Variants in CHP1 observed in about 807,000 individuals in gnomAD.
The protein encoded by CHP1 is calcineurin B homologous protein 1.
CHP1 carries 11 observed loss-of-function variants against 27.4 expected under a neutral mutation model. The ratio of observed to expected loss-of-function variants is 0.40; its 90% confidence interval spans 0.25 to 0.67. The LOEUF (loss-of-function observed/expected upper bound fraction) is 0.67. CHP1 is among the 30% of genes least tolerant of loss of function. The pLI is 0.38. For synonymous variants in CHP1, 89 were observed against 87.4 expected, an observed-to-expected ratio of 1.02 and a Z score of -0.10; for missense variants, 169 against 251.3, an observed-to-expected ratio of 0.67 and a Z score of 2.22.
chr15:41,262,473 G>C (rs1196631130), intron 3 of CHP1, among the ~76,000 whole-genome samples: 2 of 152,112 alleles, frequency 1.3e-5, no homozygotes, highest in Non-Finnish European at 2.9e-5. Flanking sequence ...TTGGAAAACA[G>C]ATGCAAGTAA....
chr15:41,278,671 A>G (rs2047531298), intron 5 of CHP1, 96 bp from the exon 6 acceptor site: 1 of 1,487,026 alleles, frequency 6.7e-7, no homozygotes, highest in African/African-American at 1.4e-5. Context: ...AGGGCATCAA[A>G]GGAAAAGGAG....
chr15:41,255,377 T>C (rs1044318310), intron 2 of CHP1, among the ~76,000 whole-genome samples: 2 of 152,174 alleles, frequency 1.3e-5, no homozygotes. Context: ...AAAATACTTA[T>C]TGAAAAATTG....
At chr15:41,259,335 A>T (rs1180907898) in intron 3 of CHP1, among the ~76,000 whole-genome samples, 1 of 152,144 alleles carries the variant, frequency 6.6e-6, no homozygotes, top group Non-Finnish European at 1.5e-5. Context: ...TGACTACAAT[A>T]TCACCTGTCA....
chr15:41,234,839 G>C (rs985252066), intron 1 of CHP1, among the ~76,000 whole-genome samples: 1 of 152,138 alleles, frequency 6.6e-6, no homozygotes, highest in East Asian at 1.9e-4. Context: ...AATACCATTT[G>C]CATGTACTAG....
chr15:41,249,630 A>T (rs1477135615), intron 2 of CHP1, among the ~76,000 whole-genome samples: 3 of 151,028 alleles, frequency 2.0e-5, no homozygotes, highest in African/African-American at 7.3e-5. Flanking sequence ...CCGCCACCAC[A>T]CCCAGCTAAT....
At chr15:41,233,148 C>G (rs867940858) in intron 1 of CHP1, among the ~76,000 whole-genome samples, 4 of 152,318 alleles carry the variant, frequency 2.6e-5, no homozygotes, top group African/African-American at 9.6e-5. Flanking sequence ...ATTCAACAAG[C>G]ATTTTATTAC....
Position 41,243,630 on chromosome 15 carries a change from A to G in CHP1, c.68-37A>G, listed in dbSNP as rs770752261. On this transcript the variant is annotated intron_variant, in intron 1 of 6. Coordinates refer to ENST00000334660, the MANE Select transcript of CHP1 (RefSeq NM_007236.5). ...GGTGGGTTCAGTGTGAATGAGGGCT[A>G]CTTCCCCCGAGCTGGGACTAATTTT... 7.5e-6 allele frequency: 12 copies of G among 1,589,538 alleles called. No individual in the cohort carries two copies. In the Admixed American group the frequency reaches 1.2e-4, roughly 16 times the overall value.
intron 2 of CHP1, among the ~76,000 whole-genome samples, chr15:41,246,303 GT>G (rs1222391311): frequency 2.1e-5 from 3 of 145,900 alleles, no homozygotes; most frequent in African/African-American, 5.0e-5. Flanking sequence ...TAATCGAAAA[GT>G]TTTTTTTTTA....
In CHP1 at chr15:41,270,637, G is replaced by A. The variant is rs777323832; in HGVS notation, c.411+19G>A. The A allele has an allele frequency of 6.9e-6, 11 of 1,598,362 alleles. No individual in the cohort carries two copies. The highest frequency in any genetic ancestry group is 5.0e-5 in the Admixed American group (3 of 59,932). On this transcript the variant is annotated intron_variant, in intron 5 of 6. Coordinates refer to ENST00000334660, the MANE Select transcript of CHP1 (RefSeq NM_007236.5). Reference sequence around the variant, plus strand: ...GTTACAGGTATGTGGAGAGCTCCTCGAGAACTTGTGCTTGGACTCTGCCTG... The same window carrying A: ...GTTACAGGTATGTGGAGAGCTCCTCAAGAACTTGTGCTTGGACTCTGCCTG...
chr15:41,279,159 C>T (rs1252052345), intron 6 of CHP1, among the ~76,000 whole-genome samples, 177 bp from the exon 7 acceptor site: 2 of 150,200 alleles, frequency 1.3e-5, no homozygotes, highest in African/African-American at 2.5e-5. Flanking sequence ...TGCAGTGAGC[C>T]GAGACCACAC....
intron 4 of CHP1, among the ~76,000 whole-genome samples, chr15:41,269,628 G>A (rs544273175): frequency 5.9e-5 from 9 of 152,234 alleles, no homozygotes; most frequent in South Asian, 4.2e-4. Flanking sequence ...CTCGAGAGTC[G>A]TGTGTCTTGC....
At chr15:41,255,338 C>T (rs749875624) in intron 2 of CHP1, among the ~76,000 whole-genome samples, 11 of 152,090 alleles carry the variant, frequency 7.2e-5, no homozygotes, top group Non-Finnish European at 1.5e-4. Flanking sequence ...GTATTCTTGG[C>T]CCAGGAACCA....
chr15:41,261,258 G>A (rs1405803172), intron 3 of CHP1, among the ~76,000 whole-genome samples: 10 of 151,640 alleles, frequency 6.6e-5, no homozygotes, highest in Admixed American at 4.6e-4. Flanking sequence ...AGTTTCAAGC[G>A]ATTCTCCTGC....
chr15:41,263,400 G>C (rs935799342), intron 4 of CHP1, among the ~76,000 whole-genome samples: 4 of 152,200 alleles, frequency 2.6e-5, no homozygotes, highest in African/African-American at 9.6e-5. Flanking sequence ...GCTGGATACA[G>C]TGCAAGATTT....
intron 5 of CHP1, among the ~76,000 whole-genome samples, chr15:41,277,555 G>A (rs982739718): frequency 2.6e-5 from 4 of 151,916 alleles, no homozygotes; most frequent in Admixed American, 1.3e-4. Flanking sequence ...TTTGGGAGGC[G>A]GAGGCGGGCA....
intron 6 of CHP1, 89 bp downstream of exon 6, chr15:41,278,978 C>CA: frequency 6.6e-7 from 1 of 1,520,230 alleles, no homozygotes; most frequent in South Asian, 1.2e-5. Context: ...TTTAGGAGGC[C>CA]AAGGTGGGCG....
At chr15:41,261,308 C>T (rs1018184644) in intron 3 of CHP1, among the ~76,000 whole-genome samples, 3 of 151,874 alleles carry the variant, frequency 2.0e-5, no homozygotes, top group Non-Finnish European at 4.4e-5. Flanking sequence ...GTGCCCACTA[C>T]CACGTCCAGC....
intron 1 of CHP1, among the ~76,000 whole-genome samples, chr15:41,235,153 T>C (rs1184840690): frequency 7.2e-5 from 11 of 152,196 alleles, no homozygotes; most frequent in Non-Finnish European, 1.6e-4. Context: ...AAGCCACAAA[T>C]GTCTTAGGAG....
At chr15:41,255,001 A>G (rs1326822947) in intron 2 of CHP1, among the ~76,000 whole-genome samples, 1 of 152,250 alleles carries the variant, frequency 6.6e-6, no homozygotes, top group African/African-American at 2.4e-5. Context: ...TCTGATACCC[A>G]GATTCACCAA....
Sources: gnomAD v4.1 joint callset for allele counts (sites outside exome capture counted in the v4.1 genomes callset) on GRCh38, gnomAD v4.1.1 for gene constraint, MANE v1.5 for transcripts, NCBI Gene and HGNC (gene_info 2026-07-23, HGNC 2026-07-21) for gene names.